The following PARPBP variants were observed in gnomAD, a reference collection of about 807,000 sequenced individuals.
PARPBP encodes the protein PARP1 binding protein, also known as PCNA-interacting partner.
PARPBP carries 52 observed loss-of-function variants against 50.0 expected under a neutral mutation model. That is an observed-to-expected ratio of 1.04 (90% CI 0.83 to 1.31). PARPBP has a LOEUF of 1.31. PARPBP is among the 50% of genes most tolerant of loss of function. The probability of loss-of-function intolerance (pLI) is 0.00; values close to 1 mark genes in which losing one functional copy is unlikely to be tolerated. For missense variants in PARPBP, 697 were observed against 672.0 expected (o/e 1.04, Z -0.41); for synonymous variants, 244 against 232.1 (o/e 1.05, Z -0.47).
chr12:102,178,453 C>A, intron 7 of PARPBP, 139 bp from the exon 8 acceptor site: 1 of 469,740 alleles, frequency 2.1e-6, no homozygotes, highest in South Asian at 6.6e-5. Flanking sequence ...TCACATGCCT[C>A]ACAGCCACTT....
chr12:102,141,869 G>A (rs987193133), intron 2 of PARPBP, among the ~76,000 whole-genome samples: 1 of 152,128 alleles, frequency 6.6e-6, no homozygotes. Flanking sequence ...TTAGTCTGAT[G>A]GGCTTCCCTT....
intron 8 of PARPBP, among the ~76,000 whole-genome samples, chr12:102,179,260 A>G (rs937566039): frequency 1.3e-5 from 2 of 152,162 alleles, no homozygotes; most frequent in African/African-American, 2.4e-5. Flanking sequence ...TCTGCCTAGA[A>G]TAAGAGAGAG....
intron 1 of PARPBP, among the ~76,000 whole-genome samples, chr12:102,123,629 G>A (rs555278522): frequency 5.7e-4 from 86 of 151,698 alleles, no homozygotes; most frequent in African/African-American, 2.0e-3. Flanking sequence ...CTGTTTTTGT[G>A]TGAATTTTCA....
chr12:102,143,203 A>G (rs1458058585), intron 2 of PARPBP, among the ~76,000 whole-genome samples: 1 of 151,538 alleles, frequency 6.6e-6, no homozygotes, highest in East Asian at 1.9e-4. Context: ...GACGCCCCCC[A>G]CCCCCAGCTG....
intron 2 of PARPBP, among the ~76,000 whole-genome samples, chr12:102,135,787 G>T (rs1026421379): frequency 1.3e-5 from 2 of 152,100 alleles, no homozygotes; most frequent in African/African-American, 4.8e-5. Context: ...GCTGTTTTTC[G>T]AGTACTTTTA....
intron 9 of PARPBP, among the ~76,000 whole-genome samples, chr12:102,190,309 G>T (rs1009496660): frequency 2.6e-5 from 4 of 151,932 alleles, no homozygotes; most frequent in Non-Finnish European, 5.9e-5. Flanking sequence ...TCAAAAAACA[G>T]TAAGTACCTC....
chr12:102,187,569 A>G (rs1401165599), intron 9 of PARPBP, among the ~76,000 whole-genome samples: 1 of 152,168 alleles, frequency 6.6e-6, no homozygotes, highest in African/African-American at 2.4e-5. Context: ...TGGTATATAC[A>G]ATATGTAATA....
rs903595119 is a variant in PARPBP, at chr12:102,161,654, C to T, written c.496-2784C>T. ...ATCAGAAAGTGGCTAGGCATGGTGG[C>T]TCATGCCTGTAATCCCAGCACTTTG... On this transcript the variant is annotated intron_variant, in intron 4 of 10. Transcript: ENST00000327680. Among the ~76,000 whole-genome samples the T allele has an allele frequency of 2.6e-5, 4 of 152,080 alleles. No individual in the cohort carries two copies. In the South Asian group the frequency reaches 6.2e-4, roughly 24 times the overall value.
In PARPBP at chr12:102,154,116, G is replaced by T; in HGVS notation, c.495+140G>T. On this transcript the variant is annotated intron_variant, in intron 4 of 10. Transcript: ENST00000327680. ...GTATGTTTAAAACTGTATTCGCAAAGAATAATACATTGGAGGCTGGTGAGA... is the reference window on the plus strand; with the variant it reads ...GTATGTTTAAAACTGTATTCGCAAATAATAATACATTGGAGGCTGGTGAGA... 5.6e-6 allele frequency: 3 copies of T among 539,428 alleles called. No homozygotes were observed. The South Asian group carries it at 8.3e-5, about 15-fold the overall frequency. The allele number at this position is 539,428 out of a possible 1,614,324, so 33.4% of individuals were successfully genotyped here.
intron 5 of PARPBP, among the ~76,000 whole-genome samples, chr12:102,165,155 C>T (rs1278860253): frequency 1.3e-5 from 2 of 152,210 alleles, no homozygotes; most frequent in African/African-American, 4.8e-5. Context: ...GGAACACTTA[C>T]GTACAGCTAT....
At chr12:102,138,249 T>C (rs564191147) in intron 2 of PARPBP, among the ~76,000 whole-genome samples, 49 of 152,384 alleles carry the variant, frequency 3.2e-4, no homozygotes, top group African/African-American at 1.1e-3. Flanking sequence ...ATTTCTCTGA[T>C]GGCCAGTGAT....
At chr12:102,123,276 G>A (rs977143109) in intron 1 of PARPBP, among the ~76,000 whole-genome samples, 1 of 152,156 alleles carries the variant, frequency 6.6e-6, no homozygotes, top group African/African-American at 2.4e-5. Context: ...TGAAATCTAA[G>A]CTCCCAAACT....
chr12:102,164,684 G>C (rs1350076942), intron 5 of PARPBP, 76 bp downstream of exon 5: 7 of 1,200,084 alleles, frequency 5.8e-6, no homozygotes, highest in Non-Finnish European at 8.6e-6. Flanking sequence ...CTTGTAACTA[G>C]GATGAAACAA....
intron 9 of PARPBP, among the ~76,000 whole-genome samples, chr12:102,194,197 T>C (rs1479851791): frequency 6.6e-6 from 1 of 151,978 alleles, no homozygotes; most frequent in East Asian, 1.9e-4. Flanking sequence ...TTTGAACATA[T>C]AATATATAAC....
intron 9 of PARPBP, among the ~76,000 whole-genome samples, chr12:102,191,291 G>A (rs1357182220): frequency 6.6e-6 from 1 of 152,074 alleles, no homozygotes; most frequent in Non-Finnish European, 1.5e-5. Context: ...TACTACTTAG[G>A]TCAAAAAGAT....
At chr12:102,178,132 A>G (rs763427196) in intron 7 of PARPBP, among the ~76,000 whole-genome samples, 11 of 152,230 alleles carry the variant, frequency 7.2e-5, no homozygotes, top group Non-Finnish European at 1.3e-4. Flanking sequence ...GGGACATAGT[A>G]TATGCTTATC....
chr12:102,195,804 T>C (rs1891252372), intron 10 of PARPBP, 147 bp from the exon 11 acceptor site: 3 of 591,002 alleles, frequency 5.1e-6, no homozygotes, highest in African/African-American at 1.9e-5. Flanking sequence ...AATGTAGCTA[T>C]ATTTGTCAAT....
chr12:102,139,412 A>G (rs558683829), intron 2 of PARPBP, among the ~76,000 whole-genome samples: 2 of 152,368 alleles, frequency 1.3e-5, no homozygotes, highest in South Asian at 2.1e-4. Context: ...TAAATATACA[A>G]TAATGTCATC....
chr12:102,148,526 T>G, intron 3 of PARPBP, 63 bp downstream of exon 3: 1 of 642,070 alleles, frequency 1.6e-6, no homozygotes, highest in Non-Finnish European at 2.6e-6. Context: ...TTATTTTGAA[T>G]TATAGTATCA....
Sources: allele counts gnomAD v4.1 joint callset (sites outside exome capture counted in the v4.1 genomes callset), GRCh38; gene constraint gnomAD v4.1.1; transcripts MANE v1.5; gene names NCBI Gene and HGNC (gene_info 2026-07-23, HGNC 2026-07-21).